The following IKZF1 variants were observed in gnomAD, a reference collection of about 807,000 sequenced individuals.
The protein encoded by IKZF1 is DNA-binding protein Ikaros.
In IKZF1, 10 loss-of-function variants were observed where a neutral mutation model predicts 51.7. That is an observed-to-expected ratio of 0.19 (90% CI 0.12 to 0.33). IKZF1 has a LOEUF of 0.33. Ranked by LOEUF, IKZF1 falls within the 10% of genes least tolerant of loss-of-function variation. IKZF1 has a pLI of 1.00. For synonymous variants in IKZF1, 280 were observed against 282.3 expected (o/e 0.99, Z 0.08); for missense variants, 484 against 707.5 (o/e 0.68, Z 3.58).
At chr7:50,396,279 G>T (rs1816684446) in intron 7 of IKZF1, among the ~76,000 whole-genome samples, 1 of 151,980 alleles carries the variant, frequency 6.6e-6, no homozygotes, top group African/African-American at 2.4e-5. Flanking sequence ...TTTACTCACT[G>T]TTCTCTTGTG....
chr7:50,323,110 A>C (rs1015576401), intron 2 of IKZF1, among the ~76,000 whole-genome samples: 2 of 152,226 alleles, frequency 1.3e-5, no homozygotes, highest in Non-Finnish European at 2.9e-5. Flanking sequence ...AGCATAGTAA[A>C]TCACATTGAT....
intron 2 of IKZF1, among the ~76,000 whole-genome samples, chr7:50,321,255 C>T (rs189177718): frequency 6.2e-4 from 94 of 152,240 alleles, no homozygotes; most frequent in Non-Finnish European, 8.1e-4. Flanking sequence ...TTTCCTTAAG[C>T]GTTTACTTTG....
At chr7:50,303,489 G>A (rs886816493), upstream of IKZF1, among the ~76,000 whole-genome samples, 1 of 152,228 alleles carries the variant, frequency 6.6e-6, no homozygotes, top group African/African-American at 2.4e-5. This position sits in a 1 kb window ranked among gnomAD's most constrained non-coding sequence, Gnocchi z 4.7. Flanking sequence ...CAACATGGAA[G>A]GCGCCATCCT....
chr7:50,322,285 T>C (rs555629951), intron 2 of IKZF1, among the ~76,000 whole-genome samples: 1 of 152,346 alleles, frequency 6.6e-6, no homozygotes, highest in Non-Finnish European at 1.5e-5. Flanking sequence ...TTAACAAGAA[T>C]ATGTTCCTAA....
chr7:50,303,777 G>T (rs1247236419), upstream of IKZF1, among the ~76,000 whole-genome samples: 6 of 151,652 alleles, frequency 4.0e-5, no homozygotes, highest in Non-Finnish European at 5.9e-5. The surrounding 1 kb of genome is among the most constrained non-coding windows in gnomAD (Gnocchi z 4.7). Context: ...GGGCGAGCGT[G>T]AGGGTGCCCC....
At chr7:50,367,662 G>GC in intron 3 of IKZF1, 1 of 210,376 alleles carries the variant, frequency 4.8e-6, no homozygotes, top group Non-Finnish European at 9.5e-6. Flanking sequence ...GAGATGCTCT[G>GC]CGAGGAGCCG....
rs1224348295 is a variant in IKZF1, at chr7:50,401,694, TCA to T, written c.*1068_*1069del. ...GTTTGTAGCCACAAGCCTGAATTTCTCAGTGTTGGTAAGTTTCTTTACCTACC... is the reference window on the plus strand; with the variant it reads ...GTTTGTAGCCACAAGCCTGAATTTCTGTGTTGGTAAGTTTCTTTACCTACC... On this transcript the variant is annotated 3_prime_UTR_variant, in exon 8 of 8. Transcript: ENST00000331340. The T allele has an allele frequency of 4.6e-6, 1 of 218,522 alleles. No homozygotes were observed. Among genetic ancestry groups the T allele is most frequent in the Non-Finnish European group, 9.2e-6 (1 of 108,804 alleles). 13.5% of individuals were successfully genotyped at this position (218,522 alleles called of 1,614,324 possible).
Position 50,336,567 on chromosome 7 carries a change from G to A in IKZF1, c.160+8810G>A, listed in dbSNP as rs1350902673. ...GCTCGCCCTTGGGACAGGCGGTGGC[G>A]AGAGGCCAGGAGGCCTTTGGTGCAG... On this transcript the variant is annotated intron_variant, in intron 3 of 7. Coordinates refer to ENST00000331340, the MANE Select transcript of IKZF1 (RefSeq NM_006060.6). 4.6e-5 allele frequency among the ~76,000 whole-genome samples: 7 copies of A among 152,324 alleles called. No individual in the cohort carries two copies. In the East Asian group the frequency reaches 9.6e-4, roughly 21 times the overall value.
chr7:50,319,234 T>A lies in IKZF1; in HGVS notation c.40+133T>A, dbSNP rs1037821212. The A allele has an allele frequency of 9.5e-6, 6 of 631,896 alleles. No homozygotes were observed. The East Asian group carries it at 1.6e-4, about 17-fold the overall frequency. 39.1% of individuals were successfully genotyped at this position (631,896 alleles called of 1,614,324 possible). The stretch of plus-strand genomic sequence containing the variant: ...GCAAAAGAAAAGACCATGATGGAAT[T>A]TGCCTGAGTGTTTCCTTCACCTGTT... On this transcript the variant is annotated intron_variant, in intron 2 of 7. Transcript: ENST00000331340.
At chr7:50,339,249 G>GTGTGTGTGTGTGTGTGTT (rs1798507204) in intron 3 of IKZF1, among the ~76,000 whole-genome samples, 1 of 151,516 alleles carries the variant, frequency 6.6e-6, no homozygotes, top group Non-Finnish European at 1.5e-5. Flanking sequence ...GTGTGTGTGT[G>GTGTGTGTGTGTGTGTGTT]TGTGTGTGTT....
chr7:50,340,579 T>G (rs1798849531), intron 3 of IKZF1, among the ~76,000 whole-genome samples: 1 of 152,254 alleles, frequency 6.6e-6, no homozygotes, highest in African/African-American at 2.4e-5. Context: ...GCTGTTATTA[T>G]ATTTCTACAG....
At position 50,337,570 on chromosome 7, in the gene IKZF1, G is replaced by A. The variant is rs943964349; in HGVS notation, c.160+9813G>A. Among the ~76,000 whole-genome samples, 104 of 152,260 alleles carry A rather than the reference G, an allele frequency of 6.8e-4. 2 individuals are homozygous for A. In the Middle Eastern group the frequency reaches 0.014, roughly 20 times the overall value. ...GACTCAGCTCTGATTTGCTCCCTGC[G>A]TGATCCCCAGTACCTGGGCATCCCC... is the stretch of plus-strand genomic sequence containing the variant. On this transcript the variant is annotated intron_variant, in intron 3 of 7. Coordinates refer to ENST00000331340, the MANE Select transcript of IKZF1 (RefSeq NM_006060.6).
chr7:50,404,067 A>G lies in IKZF1; in HGVS notation c.*3440A>G, dbSNP rs1818584221. The G allele has an allele frequency of 4.6e-6, 1 of 215,564 alleles. No individual in the cohort carries two copies. Among genetic ancestry groups the G allele is most frequent in the African/African-American group, 2.3e-5 (1 of 44,382 alleles). 13.4% of individuals were successfully genotyped at this position (215,564 alleles called of 1,614,324 possible). A position where few individuals can be genotyped will look rare whatever the true frequency, so the allele number is the denominator to read the frequency against. Reference sequence around the variant, plus strand: ...TATTTAAGATGTACAGGCATCAGAAAAAAGAAGCACATAATGCTTTTGGTG... The same window carrying G: ...TATTTAAGATGTACAGGCATCAGAAGAAAGAAGCACATAATGCTTTTGGTG... On this transcript the variant is annotated 3_prime_UTR_variant, in exon 8 of 8. Coordinates refer to ENST00000331340, the MANE Select transcript of IKZF1 (RefSeq NM_006060.6).
chr7:50,322,169 A>G (rs1793545317), intron 2 of IKZF1, among the ~76,000 whole-genome samples: 1 of 152,218 alleles, frequency 6.6e-6, no homozygotes. Flanking sequence ...TAAAGTTGGA[A>G]GAAATGACAG....
At position 50,327,735 on chromosome 7, in the gene IKZF1, C is replaced by T. The variant is rs1431967137; in HGVS notation, c.138C>T (p.Ser46=). The change falls in exon 3 of 8, where the codon AGC becomes AGT. Residue 46 remains serine, a synonymous_variant. Transcript: ENST00000331340. The part of the protein sequence containing the change: ...DLSTTSGGQQ[S]SKSDRVVASN... ...CCACCACCTCGGGAGGACAGCAAAG[C>T]TCCAAGAGTGACAGAGTCGTGGGTA... 6.2e-7 allele frequency: 1 copy of T among 1,613,160 alleles called. No individual in the cohort carries two copies. The highest frequency in any genetic ancestry group is 1.3e-5 in the African/African-American group (1 of 74,936).
chr7:50,387,826 A>G (rs1813868589), intron 6 of IKZF1, among the ~76,000 whole-genome samples: 1 of 152,240 alleles, frequency 6.6e-6, no homozygotes, highest in African/African-American at 2.4e-5. Context: ...ATTTCTTTGT[A>G]AACAAAATAA....
chr7:50,327,563 C>G, intron 2 of IKZF1, 75 bp from the exon 3 acceptor site: 3 of 1,493,724 alleles, frequency 2.0e-6, no homozygotes, highest in Non-Finnish European at 2.7e-6. Flanking sequence ...GCCACCCTCT[C>G]AAGCCAAAAG....
rs1215733450 is a variant in IKZF1, at chr7:50,345,345, A to G, written c.160+17588A>G. Among the ~76,000 whole-genome samples, 4 of 152,248 alleles carry G rather than the reference A, an allele frequency of 2.6e-5. No homozygotes were observed. The East Asian group carries it at 7.7e-4, about 29-fold the overall frequency. Reference sequence around the variant, plus strand: ...TTGTCTCCAAAGCACAAACTGAATCAGTTACAAGATATTGGACTAGAGATC... The same window carrying G: ...TTGTCTCCAAAGCACAAACTGAATCGGTTACAAGATATTGGACTAGAGATC... On this transcript the variant is annotated intron_variant, in intron 3 of 7. Transcript: ENST00000331340.
chr7:50,319,177 T>C (rs928441391), intron 2 of IKZF1, 76 bp downstream of exon 2: 38 of 1,250,896 alleles, frequency 3.0e-5, no homozygotes, highest in Admixed American at 5.1e-5. Context: ...CAGTGCTTGG[T>C]ATGCTCATGG....
Sources: allele counts gnomAD v4.1 joint callset (sites outside exome capture counted in the v4.1 genomes callset), GRCh38; gene constraint gnomAD v4.1.1; non-coding constraint Gnocchi (gnomAD v3.1); transcripts MANE v1.5; gene names NCBI Gene and HGNC (gene_info 2026-07-23, HGNC 2026-07-21).